SLAIN2: variants seen among roughly 807,000 people sequenced by gnomAD.
SLAIN2 encodes the protein SLAIN motif-containing protein 2.
In SLAIN2, 31 loss-of-function variants were observed where a neutral mutation model predicts 56.6. That is an observed-to-expected ratio of 0.55 (90% CI 0.41 to 0.74). SLAIN2 has a LOEUF of 0.74. Among genes scored for constraint, SLAIN2 ranks in the 30% least tolerant of loss-of-function variants. The pLI is 0.00. For missense variants in SLAIN2, 777 were observed against 754.2 expected (o/e 1.03, Z -0.35); for synonymous variants, 317 against 284.9 (o/e 1.11, Z -1.13).
intron 1 of SLAIN2, among the ~76,000 whole-genome samples, chr4:48,347,715 C>G (rs1056904432): frequency 7.2e-5 from 11 of 152,234 alleles, no homozygotes; most frequent in African/African-American, 2.7e-4. Flanking sequence ...CCATCCATCT[C>G]TAGACCTTTC....
At chr4:48,393,735 C>T (rs114992315) in intron 6 of SLAIN2, among the ~76,000 whole-genome samples, 2,310 of 152,118 alleles carry the variant, frequency 0.015, 41 homozygotes, top group African/African-American at 0.051. Flanking sequence ...CTTAAATACA[C>T]TGGTAGGTGT....
chr4:48,346,449 A>G (rs1714869583), intron 1 of SLAIN2, among the ~76,000 whole-genome samples: 1 of 152,160 alleles, frequency 6.6e-6, no homozygotes, highest in South Asian at 2.1e-4. Flanking sequence ...TCTCATCGAT[A>G]ACCTTTGTTG....
chr4:48,346,961 A>G (rs1714883467), intron 1 of SLAIN2, among the ~76,000 whole-genome samples: 1 of 151,044 alleles, frequency 6.6e-6, no homozygotes, highest in Non-Finnish European at 1.5e-5. Context: ...GGCATGAGCC[A>G]CTGTGCCTTG....
At chr4:48,343,205 G>C (rs975432899) in intron 1 of SLAIN2, among the ~76,000 whole-genome samples, 1 of 152,132 alleles carries the variant, frequency 6.6e-6, no homozygotes, top group African/African-American at 2.4e-5. Context: ...TTCGCCCCTG[G>C]TTTTGCCACT....
At chr4:48,416,533 C>T (rs1412468859) in intron 6 of SLAIN2, among the ~76,000 whole-genome samples, 1 of 146,444 alleles carries the variant, frequency 6.8e-6, no homozygotes, top group South Asian at 2.3e-4. Flanking sequence ...TCCTCTTTTC[C>T]TAATTGAATA....
intron 6 of SLAIN2, chr4:48,387,560 T>G (rs1244096567): frequency 6.6e-6 from 1 of 151,902 alleles, no homozygotes; most frequent in South Asian, 2.1e-4. Context: ...TCCAATTGTA[T>G]GTACTTGTTT....
intron 1 of SLAIN2, among the ~76,000 whole-genome samples, chr4:48,366,916 T>G (rs931936817): frequency 1.8e-4 from 28 of 152,220 alleles, no homozygotes; most frequent in Non-Finnish European, 8.8e-5. Flanking sequence ...ATTGTGTCCC[T>G]CTTGATTAAA....
At chr4:48,413,187 C>A (rs1716910050) in intron 6 of SLAIN2, among the ~76,000 whole-genome samples, 1 of 151,522 alleles carries the variant, frequency 6.6e-6, no homozygotes, top group Non-Finnish European at 1.5e-5. Context: ...AAGTTTGTGC[C>A]ACTGTTCTCC....
At chr4:48,377,601 A>C (rs1252107013) in intron 2 of SLAIN2, among the ~76,000 whole-genome samples, 2 of 152,198 alleles carry the variant, frequency 1.3e-5, no homozygotes, top group Admixed American at 6.5e-5. Context: ...CAAGTATCAA[A>C]GAATAAACTT....
chr4:48,398,881 C>T (rs543807915), intron 6 of SLAIN2, among the ~76,000 whole-genome samples: 23 of 152,166 alleles, frequency 1.5e-4, no homozygotes, highest in Admixed American at 5.2e-4. Context: ...AGTACTATGC[C>T]GTTTTGGTAA....
intron 1 of SLAIN2, 54 bp from the exon 2 acceptor site, chr4:48,369,795 T>C: frequency 6.5e-7 from 1 of 1,537,096 alleles, no homozygotes; most frequent in South Asian, 1.2e-5. Flanking sequence ...ATCCCTGTTT[T>C]ATATAACCTT....
At chr4:48,357,998 C>T (rs1290400077) in intron 1 of SLAIN2, among the ~76,000 whole-genome samples, 2 of 152,254 alleles carry the variant, frequency 1.3e-5, no homozygotes, top group East Asian at 3.9e-4. Flanking sequence ...CACGCCTGGC[C>T]CTATTAAAGT....
At chr4:48,372,044 A>G (rs1432480378) in intron 2 of SLAIN2, among the ~76,000 whole-genome samples, 1 of 129,104 alleles carries the variant, frequency 7.7e-6, no homozygotes. Context: ...ATACATATAC[A>G]TATATACATA....
chr4:48,399,538 A>G (rs1716493201), intron 6 of SLAIN2, among the ~76,000 whole-genome samples: 1 of 152,114 alleles, frequency 6.6e-6, no homozygotes, highest in African/African-American at 2.4e-5. Flanking sequence ...TTCCAAAACT[A>G]TGTTGAATAG....
Position 48,369,791 on chromosome 4 carries a change from G to GTT in SLAIN2, c.390-55_390-54dup, listed in dbSNP as rs1430832485. On this transcript the variant is annotated intron_variant, in intron 1 of 7. Transcript: ENST00000264313. ...TTTAAATCGATCCAAAAGGATCCCT[G>GTT]TTTTATATAACCTTGTGCTTAATAA... The GTT allele has an allele frequency of 2.0e-6, 3 of 1,521,080 alleles. No homozygotes were observed. In the East Asian group the frequency reaches 6.9e-5, roughly 35 times the overall value. 94.2% of individuals were successfully genotyped at this position (1,521,080 alleles called of 1,614,324 possible).
intron 1 of SLAIN2, among the ~76,000 whole-genome samples, chr4:48,362,258 G>GT (rs1173775146): frequency 6.6e-6 from 1 of 151,650 alleles, no homozygotes; most frequent in African/African-American, 2.4e-5. Context: ...CATTAAGTCT[G>GT]TTTTTGTGAA....
rs1350121978 is a variant in SLAIN2 at position 48,424,348 on chromosome 4, T to TA, written c.*2272dup. On this transcript the variant is annotated 3_prime_UTR_variant, in exon 8 of 8. Transcript: ENST00000264313. ...TCTAAGGATTTACTGTGGTTAGTCT[T>TA]ACAGAAGAAATGTGGATTTGATAAA... The TA allele has an allele frequency of 6.6e-6, 1 of 152,136 alleles. No individual in the cohort carries two copies. The highest frequency in any genetic ancestry group is 1.5e-5 in the Non-Finnish European group (1 of 67,996). 9.4% of individuals were successfully genotyped at this position (152,136 alleles called of 1,614,324 possible). A position where few individuals can be genotyped will look rare whatever the true frequency, so the allele number is the denominator to read the frequency against.
chr4:48,380,740 T>A (rs1430591362), intron 4 of SLAIN2, among the ~76,000 whole-genome samples: 3 of 152,146 alleles, frequency 2.0e-5, no homozygotes, highest in African/African-American at 7.2e-5. Flanking sequence ...AAAAGAATCC[T>A]TGAAATACAT....
chr4:48,362,347 ACTTTT>A (rs1334357311), intron 1 of SLAIN2, among the ~76,000 whole-genome samples: 1 of 151,142 alleles, frequency 6.6e-6, no homozygotes, highest in Non-Finnish European at 1.5e-5. Flanking sequence ...GTGGACTTGA[ACTTTT>A]CTTTCTGGGA....
Sources: allele counts gnomAD v4.1 joint callset (sites outside exome capture counted in the v4.1 genomes callset), GRCh38; gene constraint gnomAD v4.1.1; transcripts MANE v1.5; gene names NCBI Gene and HGNC (gene_info 2026-07-23, HGNC 2026-07-21).